Variants in YAP1 observed in about 807,000 individuals in gnomAD.
YAP1 encodes the protein transcriptional coactivator YAP1.
A neutral mutation model predicts 56.9 loss-of-function variants in YAP1; 5 were observed. That is an observed-to-expected ratio of 0.09 (90% CI 0.05 to 0.18). The LOEUF is 0.18. YAP1 is among the 10% of genes least tolerant of loss of function. The probability of loss-of-function intolerance (pLI) is 1.00; values close to 1 mark genes in which losing one functional copy is unlikely to be tolerated. For synonymous variants in YAP1, 265 were observed against 248.1 expected (o/e 1.07, Z -0.64); for missense variants, 539 against 651.8 (o/e 0.83, Z 1.88).
intron 3 of YAP1, among the ~76,000 whole-genome samples, chr11:102,177,801 G>GA (rs1441353897): frequency 2.0e-5 from 3 of 152,136 alleles, no homozygotes; most frequent in African/African-American, 7.2e-5. Context: ...AGTTGGAGGA[G>GA]AAAGACTAGT....
At position 102,110,575 on chromosome 11, in the gene YAP1, G is replaced by A. The variant is rs1942821701; in HGVS notation, c.-274G>A. On this transcript the variant is annotated 5_prime_UTR_variant, in exon 1 of 9. Coordinates refer to ENST00000282441, the MANE Select transcript of YAP1 (RefSeq NM_001130145.3). ...CGGCCTCCGTCAAGGGAGTTGGAGG[G>A]AAAAAGTTCTCAGGCGCCGCAGGTC... 2 of 212,664 alleles carry A rather than the reference G, an allele frequency of 9.4e-6. No individual in the cohort carries two copies. Among genetic ancestry groups the A allele is most frequent in the Non-Finnish European group, 1.8e-5 (2 of 108,802 alleles). The allele number at this position is 212,664 out of a possible 1,614,324, so 13.2% of individuals were successfully genotyped here. A position where few individuals can be genotyped will look rare whatever the true frequency, so the allele number is the denominator to read the frequency against.
At chr11:102,129,863 C>T (rs1000276788) in intron 2 of YAP1, among the ~76,000 whole-genome samples, 3 of 142,854 alleles carry the variant, frequency 2.1e-5, no homozygotes, top group Non-Finnish European at 4.5e-5. Flanking sequence ...GATGCAGTGG[C>T]ACTATCTCAG....
At chr11:102,113,996 C>G in intron 1 of YAP1, 148 bp from the exon 2 acceptor site, 1 of 539,698 alleles carries the variant, frequency 1.9e-6, no homozygotes, top group Non-Finnish European at 2.9e-6. Context: ...CATTTGAAAA[C>G]CTGTGTTCTC....
At chr11:102,210,784 G>A (rs1354347854) in intron 6 of YAP1, among the ~76,000 whole-genome samples, 7 of 151,950 alleles carry the variant, frequency 4.6e-5, no homozygotes, top group African/African-American at 1.5e-4. Flanking sequence ...ATGGAGTTTC[G>A]CTCTGTTGCC....
chr11:102,168,651 G>A (rs1638283936), intron 3 of YAP1, among the ~76,000 whole-genome samples: 1 of 152,184 alleles, frequency 6.6e-6, no homozygotes, highest in Non-Finnish European at 1.5e-5. Flanking sequence ...GGTGATACGT[G>A]TTAGAGGAAT....
chr11:102,122,254 C>T (rs1323892712), intron 2 of YAP1, among the ~76,000 whole-genome samples: 1 of 151,578 alleles, frequency 6.6e-6, no homozygotes, highest in Non-Finnish European at 1.5e-5. Context: ...CCGATCTCTA[C>T]TAAAAATAGA....
intron 2 of YAP1, among the ~76,000 whole-genome samples, chr11:102,132,090 C>G (rs1944397592): frequency 6.6e-6 from 1 of 151,974 alleles, no homozygotes; most frequent in Non-Finnish European, 1.5e-5. Flanking sequence ...TGCATCCCAG[C>G]CTGGGCAACA....
Position 102,205,968 on chromosome 11 carries a change from G to A in YAP1, c.878G>A (p.Gly293Asp). 2 of 1,613,638 alleles carry A rather than the reference G, an allele frequency of 1.2e-6. No individual in the cohort carries two copies. The highest frequency in any genetic ancestry group is 1.7e-6 in the Non-Finnish European group (2 of 1,179,910). Residue 293 changes from glycine to aspartate, a missense_variant, in exon 5 of 9, where the codon GGC becomes GAC. Gly to Asp is a moderately conservative substitution (Grantham distance 94). Coordinates refer to ENST00000282441, the MANE Select transcript of YAP1 (RefSeq NM_001130145.3). ...PPLAPQSPQGGVMGGSNSNQQ... is the reference protein window; with the variant it reads ...PPLAPQSPQGDVMGGSNSNQQ... Reference sequence around the variant, plus strand: ...CTGGCTCCCCAGAGCCCACAGGGAGGCGTCATGGGTGGCAGCAACTCCAAC... The same window carrying A: ...CTGGCTCCCCAGAGCCCACAGGGAGACGTCATGGGTGGCAGCAACTCCAAC...
intron 6 of YAP1, among the ~76,000 whole-genome samples, chr11:102,219,657 G>A (rs1243803201): frequency 1.3e-5 from 2 of 152,038 alleles, no homozygotes; most frequent in Admixed American, 6.6e-5. Context: ...TTAAAAAGAT[G>A]ATGAGTATAA....
rs1026876580 is a variant in YAP1 at position 102,230,790 on chromosome 11, G to A, written c.*850G>A. 2 of 152,304 alleles carry A rather than the reference G, an allele frequency of 1.3e-5. No homozygotes were observed. Among genetic ancestry groups the A allele is most frequent in the African/African-American group, 4.8e-5 (2 of 41,338 alleles). The allele number at this position is 152,304 out of a possible 1,614,324, so 9.4% of individuals were successfully genotyped here. A position where few individuals can be genotyped will look rare whatever the true frequency, so the allele number is the denominator to read the frequency against. The stretch of plus-strand genomic sequence containing the variant: ...GTAGCTTGGGATGGTTATTGTAGTT[G>A]TTTTGGTAAAATCTTCATTTCCTGG... On this transcript the variant is annotated 3_prime_UTR_variant, in exon 9 of 9. Transcript: ENST00000282441.
rs576102605 is a variant in YAP1, at chr11:102,226,519, A to G, written c.1164-950A>G. 1.7e-3 allele frequency among the ~76,000 whole-genome samples: 256 copies of G among 152,372 alleles called. 1 individual carries two copies. Among genetic ancestry groups the G allele is most frequent in the Non-Finnish European group, 2.8e-3 (192 of 68,038 alleles). ...TTCACACTCACACAGACCATTGAAGAATAACAGCTGCCTTGATTTTATGCG... is the reference window on the plus strand; with the variant it reads ...TTCACACTCACACAGACCATTGAAGGATAACAGCTGCCTTGATTTTATGCG... On this transcript the variant is annotated intron_variant, in intron 7 of 8. Transcript: ENST00000282441.
intron 3 of YAP1, among the ~76,000 whole-genome samples, chr11:102,180,732 A>G (rs1947558130): frequency 1.3e-5 from 2 of 152,000 alleles, no homozygotes; most frequent in East Asian, 1.9e-4. Context: ...ATAATACTGA[A>G]TGATAAATGC....
intron 3 of YAP1, among the ~76,000 whole-genome samples, chr11:102,165,421 T>A (rs1010143568): frequency 1.3e-5 from 2 of 152,104 alleles, no homozygotes; most frequent in Non-Finnish European, 2.9e-5. Flanking sequence ...ATATATTACA[T>A]AAAAATTAGT....
At chr11:102,130,538 G>T (rs1944314750) in intron 2 of YAP1, among the ~76,000 whole-genome samples, 1 of 151,760 alleles carries the variant, frequency 6.6e-6, no homozygotes, top group African/African-American at 2.4e-5. Context: ...GAATAGCTGG[G>T]ACTACAAGAA....
chr11:102,222,578 G>T (rs1182228961), intron 6 of YAP1, among the ~76,000 whole-genome samples: 1 of 152,134 alleles, frequency 6.6e-6, no homozygotes, highest in Non-Finnish European at 1.5e-5. Context: ...AGGTTTACAG[G>T]GAGAATCCTG....
chr11:102,209,502 A>G lies in YAP1; in HGVS notation c.985-15A>G. 1.9e-6 allele frequency: 3 copies of G among 1,601,694 alleles called. No homozygotes were observed. The highest frequency in any genetic ancestry group is 2.6e-6 in the Non-Finnish European group (3 of 1,175,058). ...GCTTAAAGTAATTTTTATCCGTCTT[A>G]TTTTTTACTCTTAGGCAATGCGGAA... On this transcript the variant is annotated splice_polypyrimidine_tract_variant and intron_variant, in intron 5 of 8. Coordinates refer to ENST00000282441, the MANE Select transcript of YAP1 (RefSeq NM_001130145.3).
chr11:102,115,173 A>G (rs930754772), intron 2 of YAP1, among the ~76,000 whole-genome samples: 1 of 152,236 alleles, frequency 6.6e-6, no homozygotes, highest in African/African-American at 2.4e-5. Context: ...TTGAAATTAC[A>G]GATAAGACCT....
chr11:102,144,174 A>G (rs1945186899), intron 2 of YAP1, among the ~76,000 whole-genome samples: 1 of 152,236 alleles, frequency 6.6e-6, no homozygotes, highest in African/African-American at 2.4e-5. Flanking sequence ...CCAATGTTTA[A>G]TGAAAAGTGA....
chr11:102,112,612 GTC>G (rs1371706528), intron 1 of YAP1: 4 of 984,938 alleles, frequency 4.1e-6, no homozygotes, highest in Non-Finnish European at 4.8e-6. Context: ...CTGTTGTATA[GTC>G]TCCTGTCGGA....
Sources: allele counts gnomAD v4.1 joint callset (sites outside exome capture counted in the v4.1 genomes callset), GRCh38; gene constraint gnomAD v4.1.1; transcripts MANE v1.5; gene names NCBI Gene and HGNC (gene_info 2026-07-23, HGNC 2026-07-21).